The following LMNB1 variants were observed in gnomAD, a reference collection of about 807,000 sequenced individuals.
LMNB1 encodes lamin B1.
LMNB1 carries 23 observed loss-of-function variants against 67.1 expected under a neutral mutation model. The ratio of observed to expected loss-of-function variants is 0.34; its 90% CI spans 0.25 to 0.49. The LOEUF (loss-of-function observed/expected upper bound fraction) is 0.49. LMNB1 is among the 20% of genes least tolerant of loss of function. The pLI is 0.99. For missense variants in LMNB1, 634 were observed against 746.5 expected (o/e 0.85, Z 1.76); for synonymous variants, 281 against 282.9 (o/e 0.99, Z 0.07).
intron 5 of LMNB1, among the ~76,000 whole-genome samples, chr5:126,818,446 TAGTC>T (rs1751766971): frequency 6.6e-6 from 1 of 152,170 alleles, no homozygotes; most frequent in Admixed American, 6.5e-5. Flanking sequence ...TTCGCCATGT[TAGTC>T]AGGCTGGTCT....
At chr5:126,781,200 G>A (rs558900203) in intron 1 of LMNB1, among the ~76,000 whole-genome samples, 1 of 152,236 alleles carries the variant, frequency 6.6e-6, no homozygotes, top group Non-Finnish European at 1.5e-5. Context: ...GAGGCAGGAG[G>A]CATTGCTTGA....
intron 9 of LMNB1, among the ~76,000 whole-genome samples, chr5:126,831,477 G>A (rs1410933708): frequency 6.6e-6 from 1 of 152,196 alleles, no homozygotes; most frequent in Non-Finnish European, 1.5e-5. Context: ...AATGATAGGA[G>A]ACCTATTTCT....
chr5:126,780,189 T>TA (rs924491700), intron 1 of LMNB1, among the ~76,000 whole-genome samples: 65 of 148,598 alleles, frequency 4.4e-4, no homozygotes, highest in African/African-American at 1.4e-3. Flanking sequence ...AGACTCCGTC[T>TA]AAAAAAAAAA....
intron 1 of LMNB1, among the ~76,000 whole-genome samples, chr5:126,800,982 A>ATATATATATATAAAATTTTTT: frequency 2.7e-4 from 5 of 18,638 alleles, no homozygotes; most frequent in African/African-American, 8.4e-4. Context: ...TATATATATA[A>ATATATATATATAAAATTTTTT]TTTTTTTTTT....
In LMNB1 at chr5:126,800,982, A is replaced by ATATAATTTTTTTTTTTT; in HGVS notation, c.360-3793_360-3792insATAATTTTTTTTTTTTT. Among the ~76,000 whole-genome samples the ATATAATTTTTTTTTTTT allele has an allele frequency of 1.1e-4, 2 of 18,632 alleles. 1 individual carries two copies. Among genetic ancestry groups the ATATAATTTTTTTTTTTT allele is most frequent in the Non-Finnish European group, 2.1e-4 (2 of 9,544 alleles). 12.2% of individuals were successfully genotyped at this position (18,632 alleles called of 152,430 possible). On this transcript the variant is annotated intron_variant, in intron 1 of 10. Transcript: ENST00000261366. ...ATATATATATATATATATATATATA[A>ATATAATTTTTTTTTTTT]TTTTTTTTTTTTTTTTTTGGTGGTA...
At chr5:126,812,920 G>A (rs1182631553) in intron 5 of LMNB1, among the ~76,000 whole-genome samples, 2 of 151,690 alleles carry the variant, frequency 1.3e-5, no homozygotes, top group African/African-American at 2.4e-5. Context: ...TAGTAGAGAC[G>A]GGGTTTCACC....
chr5:126,795,130 C>CTTTTTTTTTT (rs55837872), intron 1 of LMNB1, among the ~76,000 whole-genome samples: 6 of 128,946 alleles, frequency 4.7e-5, no homozygotes, highest in East Asian at 2.2e-4. Context: ...ATTCCTTTTC[C>CTTTTTTTTTT]TTTTTTTTTT....
At chr5:126,792,375 T>C (rs927917481) in intron 1 of LMNB1, among the ~76,000 whole-genome samples, 10 of 151,634 alleles carry the variant, frequency 6.6e-5, no homozygotes, top group Non-Finnish European at 1.3e-4. Flanking sequence ...ACTCCTGACC[T>C]CAGGTGATTC....
intron 8 of LMNB1, among the ~76,000 whole-genome samples, chr5:126,823,404 C>G (rs1017869536): frequency 6.6e-6 from 1 of 152,100 alleles, no homozygotes; most frequent in African/African-American, 2.4e-5. Context: ...CTAAATGGCT[C>G]TCTATTGGTA....
chr5:126,827,553 C>T (rs937743094), intron 9 of LMNB1, among the ~76,000 whole-genome samples: 2 of 152,252 alleles, frequency 1.3e-5, no homozygotes, highest in Non-Finnish European at 2.9e-5. Flanking sequence ...CCAGGCTACT[C>T]AGGAAGCTGA....
chr5:126,787,546 A>ATATATATATATATTTTTTTTTTTTTTTTT, intron 1 of LMNB1, among the ~76,000 whole-genome samples: 1 of 65,570 alleles, frequency 1.5e-5, no homozygotes, highest in African/African-American at 6.6e-5. Flanking sequence ...ATATATATAT[A>ATATATATATATATTTTTTTTTTTTTTTTT]TTTTTTTTTT....
At chr5:126,794,811 T>C (rs1751047638) in intron 1 of LMNB1, among the ~76,000 whole-genome samples, 1 of 152,214 alleles carries the variant, frequency 6.6e-6, no homozygotes, top group Admixed American at 6.5e-5. Context: ...TGTTAGCTGA[T>C]TACAGGTGAA....
intron 3 of LMNB1, among the ~76,000 whole-genome samples, chr5:126,809,901 C>G (rs2126716567): frequency 6.6e-6 from 1 of 152,258 alleles, no homozygotes; most frequent in South Asian, 2.1e-4. Flanking sequence ...AGTAGGCCAT[C>G]CAGGCCTTTC....
At chr5:126,782,080 A>G (rs1465561851) in intron 1 of LMNB1, among the ~76,000 whole-genome samples, 1 of 152,230 alleles carries the variant, frequency 6.6e-6, no homozygotes, top group Admixed American at 6.5e-5. Flanking sequence ...CCATCACTCA[A>G]CACTTTAAAC....
rs142722223 is a variant in LMNB1 at position 126,818,783 on chromosome 5, T to TA, written c.940-135dup. On this transcript the variant is annotated intron_variant, in intron 5 of 10. Transcript: ENST00000261366. ...TGAGGAATTTTGGGTTTTAATTTCT[T>TA]AAAATCTCTTGAATTCTAGTGAGTT... 143 of 658,442 alleles carry TA rather than the reference T, an allele frequency of 2.2e-4. No homozygotes were observed. In the African/African-American group the frequency reaches 2.4e-3, roughly 11 times the overall value. The allele number at this position is 658,442 out of a possible 1,614,324, so 40.8% of individuals were successfully genotyped here.
At chr5:126,822,399 CT>C (rs1751891657) in intron 7 of LMNB1, among the ~76,000 whole-genome samples, 2 of 152,170 alleles carry the variant, frequency 1.3e-5, no homozygotes, top group African/African-American at 4.8e-5. Flanking sequence ...TGTTTCTAAG[CT>C]TATGTGTCTA....
intron 1 of LMNB1, among the ~76,000 whole-genome samples, chr5:126,796,489 A>T (rs908611741): frequency 6.6e-6 from 1 of 152,192 alleles, no homozygotes; most frequent in Non-Finnish European, 1.5e-5. Context: ...GTCAAGGTCA[A>T]ACTGGCGGCA....
At chr5:126,784,009 A>AT (rs1750696963) in intron 1 of LMNB1, among the ~76,000 whole-genome samples, 1 of 118,156 alleles carries the variant, frequency 8.5e-6, no homozygotes, top group Non-Finnish European at 1.7e-5. Flanking sequence ...TTTGGCTGTC[A>AT]TTTGATTTTT....
chr5:126,795,754 A>G (rs1206491719), intron 1 of LMNB1, among the ~76,000 whole-genome samples: 1 of 150,752 alleles, frequency 6.6e-6, no homozygotes, highest in Non-Finnish European at 1.5e-5. Flanking sequence ...CCTCCCGAGT[A>G]GCTGGGATTA....
Sources: gnomAD v4.1 joint callset for allele counts (sites outside exome capture counted in the v4.1 genomes callset) on GRCh38, gnomAD v4.1.1 for gene constraint, MANE v1.5 for transcripts, NCBI Gene and HGNC (gene_info 2026-07-23, HGNC 2026-07-21) for gene names.